Variants in CPED1 observed in about 807,000 individuals in gnomAD.
The protein encoded by CPED1 is cadherin-like and PC-esterase domain-containing protein 1.
A neutral mutation model predicts 128.2 loss-of-function variants in CPED1; 114 were observed. That is an observed-to-expected ratio of 0.89 (90% CI 0.76 to 1.04). CPED1 has a LOEUF of 1.04. Among genes scored for constraint, CPED1 ranks in the 50% least tolerant of loss-of-function variants. The probability of loss-of-function intolerance (pLI) is 0.00; values close to 1 mark genes in which losing one functional copy is unlikely to be tolerated. For synonymous variants in CPED1, 462 were observed against 426.7 expected (o/e 1.08, Z -1.02); for missense variants, 1,211 against 1,207.1 (o/e 1.00, Z -0.05).
At chr7:121,225,755 C>T (rs776784606) in intron 16 of CPED1, among the ~76,000 whole-genome samples, 1 of 152,090 alleles carries the variant, frequency 6.6e-6, no homozygotes, top group Non-Finnish European at 1.5e-5. Flanking sequence ...TACCCTTCTT[C>T]TACTTCATCG....
intron 16 of CPED1, among the ~76,000 whole-genome samples, chr7:121,168,603 C>G (rs917828294): frequency 6.6e-6 from 1 of 152,150 alleles, no homozygotes; most frequent in African/African-American, 2.4e-5. Context: ...TCCAATTACG[C>G]TCTTTAAGTT....
intron 18 of CPED1, among the ~76,000 whole-genome samples, chr7:121,263,698 G>GTAAT: frequency 6.6e-6 from 1 of 152,042 alleles, no homozygotes; most frequent in Non-Finnish European, 1.5e-5. Flanking sequence ...GTTTTTCTCA[G>GTAAT]TAATATATAA....
intron 5 of CPED1, among the ~76,000 whole-genome samples, chr7:121,065,735 C>A (rs997908822): frequency 6.6e-6 from 1 of 151,902 alleles, no homozygotes; most frequent in Non-Finnish European, 1.5e-5. Flanking sequence ...TATTTTCTAT[C>A]TTCTTTTGCT....
chr7:121,295,695 G>C lies in CPED1; in HGVS notation c.*43G>C, dbSNP rs763374242. Reference sequence around the variant, plus strand: ...TGAATCTGGAGCTGGAGACGAGCTAGTCACCCGGACAATGGTCTAGGAGCC... The same window carrying C: ...TGAATCTGGAGCTGGAGACGAGCTACTCACCCGGACAATGGTCTAGGAGCC... On this transcript the variant is annotated 3_prime_UTR_variant, in exon 23 of 23. Transcript: ENST00000310396. 1.5e-5 allele frequency: 24 copies of C among 1,561,826 alleles called. No individual in the cohort carries two copies. The highest frequency in any genetic ancestry group is 2.0e-5 in the Non-Finnish European group (23 of 1,134,284).
intron 22 of CPED1, among the ~76,000 whole-genome samples, chr7:121,293,836 C>T (rs944971091): frequency 2.0e-5 from 3 of 151,986 alleles, no homozygotes; most frequent in Non-Finnish European, 4.4e-5. Flanking sequence ...ATGGGCTGCA[C>T]CCACTGTCTA....
At position 121,148,076 on chromosome 7, in the gene CPED1, A is replaced by G. The variant is rs543757485; in HGVS notation, c.2055+5935A>G. Among the ~76,000 whole-genome samples, 4 of 152,302 alleles carry G rather than the reference A, an allele frequency of 2.6e-5. No individual in the cohort carries two copies. The South Asian group carries it at 8.3e-4, about 32-fold the overall frequency. On this transcript the variant is annotated intron_variant, in intron 16 of 22. Transcript: ENST00000310396. ...GAGTGCATTTATCAGTAATTATTTA[A>G]TAAAAACCTATTAGTTTTCAAAGTT...
rs2116718639 is a variant in CPED1, at chr7:120,989,522, G to A, written c.-100G>A. On this transcript the variant is annotated 5_prime_UTR_variant, in exon 2 of 23. Transcript: ENST00000310396. Reference sequence around the variant, plus strand: ...GATGAAGCAAACTTGATTGGAGTTGGGGAAAAAGAAGACAGATTAGTATTT... The same window carrying A: ...GATGAAGCAAACTTGATTGGAGTTGAGGAAAAAGAAGACAGATTAGTATTT... The A allele has an allele frequency of 6.8e-7, 1 of 1,461,348 alleles. No individual in the cohort carries two copies. The highest frequency in any genetic ancestry group is 1.9e-4 in the Middle Eastern group (1 of 5,344). 90.5% of individuals were successfully genotyped at this position (1,461,348 alleles called of 1,614,324 possible).
Position 121,295,761 on chromosome 7 carries a change from A to G in CPED1, c.*109A>G, listed in dbSNP as rs1792812076. On this transcript the variant is annotated 3_prime_UTR_variant, in exon 23 of 23. Transcript: ENST00000310396. The stretch of plus-strand genomic sequence containing the variant: ...CACACATTTGGGATCGACCACACAC[A>G]CTTGTGCACACCAGCACATGCATGC... The G allele has an allele frequency of 2.5e-6, 2 of 786,906 alleles. No homozygotes were observed. The highest frequency in any genetic ancestry group is 3.3e-5 in the South Asian group (2 of 60,938). 48.7% of individuals were successfully genotyped at this position (786,906 alleles called of 1,614,324 possible). A position where few individuals can be genotyped will look rare whatever the true frequency, so the allele number is the denominator to read the frequency against.
At chr7:121,087,466 A>C (rs141893626) in intron 5 of CPED1, among the ~76,000 whole-genome samples, 13 of 152,256 alleles carry the variant, frequency 8.5e-5, no homozygotes, top group Non-Finnish European at 1.8e-4. Context: ...TTTCTTAGAG[A>C]GGGAAGGAAG....
chr7:120,993,307 G>A (rs1395623072), intron 2 of CPED1, among the ~76,000 whole-genome samples: 1 of 152,114 alleles, frequency 6.6e-6, no homozygotes, highest in African/African-American at 2.4e-5. Context: ...CTTCTTTAAT[G>A]GAAACTTTGC....
intron 3 of CPED1, among the ~76,000 whole-genome samples, chr7:121,043,853 G>A (rs192414164): frequency 3.3e-4 from 50 of 152,298 alleles, no homozygotes; most frequent in African/African-American, 1.1e-3. Context: ...CAAAACAAAC[G>A]CTGTGCAGGC....
intron 2 of CPED1, 41 bp from the exon 3 acceptor site, chr7:121,015,624 A>T: frequency 6.5e-7 from 1 of 1,536,746 alleles, no homozygotes; most frequent in African/African-American, 1.4e-5. Flanking sequence ...AGGGAAATGT[A>T]CTACTTTTTT....
intron 14 of CPED1, among the ~76,000 whole-genome samples, chr7:121,139,394 G>GTT (rs148380793): frequency 9.5e-5 from 14 of 147,396 alleles, no homozygotes; most frequent in Admixed American, 3.4e-4. Context: ...AATATATAGG[G>GTT]TTTTTTTTTT....
intron 16 of CPED1, among the ~76,000 whole-genome samples, chr7:121,218,025 C>T (rs1419695843): frequency 6.6e-6 from 1 of 150,476 alleles, no homozygotes; most frequent in Non-Finnish European, 1.5e-5. Context: ...CACTCTGTCA[C>T]CCAGGCTGGA....
At chr7:121,083,465 T>G (rs1794343413) in intron 5 of CPED1, among the ~76,000 whole-genome samples, 1 of 152,204 alleles carries the variant, frequency 6.6e-6, no homozygotes, top group African/African-American at 2.4e-5. Flanking sequence ...CAAGCTGGTT[T>G]GTATAGCACC....
At position 121,241,343 on chromosome 7, in the gene CPED1, G is replaced by A. The variant is rs1465504528; in HGVS notation, c.2174-2859G>A. ...AGCCTGGGCGACAGAGCGAGACTCC[G>A]TCTCAAAAAAAAAAAAAAAAAAAAA... On this transcript the variant is annotated intron_variant, in intron 17 of 22. Coordinates refer to ENST00000310396, the MANE Select transcript of CPED1 (RefSeq NM_024913.5). 1.7e-3 allele frequency among the ~76,000 whole-genome samples: 4 copies of A among 2,388 alleles called. 1 individual carries two copies. Among genetic ancestry groups the A allele is most frequent in the East Asian group, 7.4e-3 (1 of 136 alleles). 1.6% of individuals were successfully genotyped at this position (2,388 alleles called of 152,430 possible).
intron 7 of CPED1, among the ~76,000 whole-genome samples, chr7:121,103,099 A>C (rs1794893205): frequency 1.3e-5 from 2 of 152,190 alleles, no homozygotes; most frequent in African/African-American, 4.8e-5. Flanking sequence ...CCTGAAAATA[A>C]ATGAAAAAAG....
intron 18 of CPED1, among the ~76,000 whole-genome samples, chr7:121,249,457 C>A (rs1167949581): frequency 6.6e-6 from 1 of 152,088 alleles, no homozygotes; most frequent in Non-Finnish European, 1.5e-5. Context: ...ACAGAGGGAA[C>A]CACATTAGGC....
intron 16 of CPED1, among the ~76,000 whole-genome samples, chr7:121,233,298 C>T (rs377481275): frequency 4.6e-5 from 7 of 152,186 alleles, no homozygotes; most frequent in African/African-American, 1.7e-4. Flanking sequence ...GTGAAGATTT[C>T]TGGAGCTAAT....
Sources: gnomAD v4.1 joint callset for allele counts (sites outside exome capture counted in the v4.1 genomes callset) on GRCh38, gnomAD v4.1.1 for gene constraint, MANE v1.5 for transcripts, NCBI Gene and HGNC (gene_info 2026-07-23, HGNC 2026-07-21) for gene names.